TPD52L2: variants seen among roughly 807,000 people sequenced by gnomAD.
TPD52L2 encodes the protein TPD52 like 2.
In TPD52L2, 19 loss-of-function variants were observed where a neutral mutation model predicts 24.7. The ratio of observed to expected loss-of-function variants is 0.77; its 90% CI spans 0.54 to 1.13. The LOEUF (loss-of-function observed/expected upper bound fraction) is 1.13. Among genes scored for constraint, TPD52L2 ranks in the 50% most tolerant of loss-of-function variants. The probability of loss-of-function intolerance (pLI) is 0.00; values close to 1 mark genes in which losing one functional copy is unlikely to be tolerated. For missense variants in TPD52L2, 236 were observed against 250.4 expected (o/e 0.94, Z 0.39); for synonymous variants, 104 against 100.2 (o/e 1.04, Z -0.23).
chr20:63,869,946 A>G (rs1277275350), intron 2 of TPD52L2, among the ~76,000 whole-genome samples: 1 of 152,120 alleles, frequency 6.6e-6, no homozygotes, highest in African/African-American at 2.4e-5. Flanking sequence ...CAGCCTGGGC[A>G]ACACAGTGAG....
Position 63,865,352 on chromosome 20 carries a change from G to C in TPD52L2, c.-14G>C, listed in dbSNP as rs367912450. 314 of 1,526,504 alleles carry C rather than the reference G, an allele frequency of 2.1e-4. No individual in the cohort carries two copies. In the African/African-American group the frequency reaches 3.8e-3, roughly 18 times the overall value. The allele number at this position is 1,526,504 out of a possible 1,614,324, so 94.6% of individuals were successfully genotyped here. Reference sequence around the variant, plus strand: ...CCATAGCGCCCGCGACAGCGGTCCGGACGCCGCCCGAACATGGACTCCGCC... The same window carrying C: ...CCATAGCGCCCGCGACAGCGGTCCGCACGCCGCCCGAACATGGACTCCGCC... On this transcript the variant is annotated 5_prime_UTR_variant, in exon 1 of 7. Transcript: ENST00000346249.
At chr20:63,889,313 TTAGTTATG>T in intron 6 of TPD52L2, 75 bp downstream of exon 6, 1 of 1,303,212 alleles carries the variant, frequency 7.7e-7, no homozygotes, top group South Asian at 1.2e-5. Context: ...TATTAGTCAT[TTAGTTATG>T]GTAGACTCAC....
chr20:63,879,538 G>C (rs139129018), intron 4 of TPD52L2, among the ~76,000 whole-genome samples: 175 of 152,306 alleles, frequency 1.1e-3, no homozygotes, highest in South Asian at 5.4e-3. Flanking sequence ...GGCACAGGCG[G>C]TTGTTTTCTC....
At chr20:63,870,872 C>T (rs2052438262) in intron 2 of TPD52L2, among the ~76,000 whole-genome samples, 1 of 151,628 alleles carries the variant, frequency 6.6e-6, no homozygotes. Flanking sequence ...CGCGTGCCTC[C>T]CTGCCCATCT....
In TPD52L2 at chr20:63,891,065, T is replaced by TA. The variant is rs1253605935; in HGVS notation, c.*1121dup. ...CGTGGGCATCAGCCAGGATTGCCGT[T>TA]ACAGTCTTTTTCTCAGGAGCTACAA... is the stretch of plus-strand genomic sequence containing the variant. On this transcript the variant is annotated 3_prime_UTR_variant, in exon 7 of 7. Transcript: ENST00000346249. The surrounding 1 kb of genome is among the most constrained non-coding windows in gnomAD (Gnocchi z 4.7). The TA allele has an allele frequency of 6.5e-6, 1 of 152,708 alleles. No homozygotes were observed. Among genetic ancestry groups the TA allele is most frequent in the Non-Finnish European group, 1.5e-5 (1 of 68,078 alleles). The allele number at this position is 152,708 out of a possible 1,614,324, so 9.5% of individuals were successfully genotyped here.
At chr20:63,867,972 G>A (rs1037460777) in intron 1 of TPD52L2, among the ~76,000 whole-genome samples, 9 of 148,550 alleles carry the variant, frequency 6.1e-5, no homozygotes, top group East Asian at 2.0e-4. Flanking sequence ...ATTTTTTTTT[G>A]GCCGCGCGTG....
intron 5 of TPD52L2, among the ~76,000 whole-genome samples, chr20:63,886,728 T>G (rs557108631): frequency 4.6e-4 from 69 of 150,956 alleles, no homozygotes; most frequent in African/African-American, 1.7e-3. Flanking sequence ...CACTGCAACC[T>G]CCAGCTCCCT....
At chr20:63,884,945 C>G (rs1188034666) in intron 5 of TPD52L2, among the ~76,000 whole-genome samples, 1 of 152,236 alleles carries the variant, frequency 6.6e-6, no homozygotes, top group Non-Finnish European at 1.5e-5. Context: ...GGTGGGAACT[C>G]TGACGTCTGG....
Position 63,865,338 on chromosome 20 carries a change from G to C in TPD52L2, c.-28G>C, listed in dbSNP as rs1261521727. On this transcript the variant is annotated 5_prime_UTR_variant, in exon 1 of 7. Coordinates refer to ENST00000346249, the MANE Select transcript of TPD52L2 (RefSeq NM_003288.4). ...CGCCCGCTCGGCTCCCATAGCGCCCGCGACAGCGGTCCGGACGCCGCCCGA... is the reference window on the plus strand; with the variant it reads ...CGCCCGCTCGGCTCCCATAGCGCCCCCGACAGCGGTCCGGACGCCGCCCGA... 2.6e-6 allele frequency: 4 copies of C among 1,521,052 alleles called. No homozygotes were observed. The South Asian group carries it at 3.7e-5, about 14-fold the overall frequency. 94.2% of individuals were successfully genotyped at this position (1,521,052 alleles called of 1,614,324 possible). A position where few individuals can be genotyped will look rare whatever the true frequency, so the allele number is the denominator to read the frequency against.
At position 63,889,982 on chromosome 20, in the gene TPD52L2, A is replaced by G. The variant is rs41278202; in HGVS notation, c.*37A>G. The G allele has an allele frequency of 3.0e-3, 4,812 of 1,611,224 alleles. 10 individuals are homozygous for G. Among genetic ancestry groups the G allele is most frequent in the Admixed American group, 3.8e-3 (224 of 59,732 alleles). On this transcript the variant is annotated 3_prime_UTR_variant, in exon 7 of 7. Transcript: ENST00000346249. ...CTTCACCCGCTGCAGAGCACACGCA[A>G]CCCAGCCTCAGCATCACAGCCGCAG...
At chr20:63,871,389 G>A (rs1490329231) in intron 2 of TPD52L2, among the ~76,000 whole-genome samples, 4 of 151,146 alleles carry the variant, frequency 2.6e-5, no homozygotes, top group South Asian at 2.1e-4. Flanking sequence ...TCACTCTGTC[G>A]CCCAGGCTGG....
chr20:63,886,053 G>A (rs557698258), intron 5 of TPD52L2: 22 of 1,613,954 alleles, frequency 1.4e-5, no homozygotes, highest in Non-Finnish European at 1.9e-5. Context: ...GTAAGGCTGA[G>A]CCTGGACACA....
intron 2 of TPD52L2, among the ~76,000 whole-genome samples, chr20:63,871,944 AT>A (rs1030038179): frequency 6.6e-6 from 1 of 151,952 alleles, no homozygotes; most frequent in Non-Finnish European, 1.5e-5. Flanking sequence ...AAGAAAGAGA[AT>A]TTTTAAAGAG....
intron 5 of TPD52L2, among the ~76,000 whole-genome samples, chr20:63,885,842 T>A (rs1456400138): frequency 6.6e-6 from 1 of 152,216 alleles, no homozygotes; most frequent in Non-Finnish European, 1.5e-5. Context: ...ACAGTGCTGC[T>A]GTCCCCGGTG....
At position 63,889,958 on chromosome 20, in the gene TPD52L2, T is replaced by C. The variant is rs1438275353; in HGVS notation, c.*13T>C. On this transcript the variant is annotated 3_prime_UTR_variant, in exon 7 of 7. Coordinates refer to ENST00000346249, the MANE Select transcript of TPD52L2 (RefSeq NM_003288.4). ...CGCACCTTTCTAAGCCTGTGGTTGC[T>C]TCACCCGCTGCAGAGCACACGCAAC... The C allele has an allele frequency of 6.2e-7, 1 of 1,613,884 alleles. No individual in the cohort carries two copies. Among genetic ancestry groups the C allele is most frequent in the African/African-American group, 1.3e-5 (1 of 75,052 alleles).
At chr20:63,867,382 G>A (rs961863249) in intron 1 of TPD52L2, among the ~76,000 whole-genome samples, 1 of 152,084 alleles carries the variant, frequency 6.6e-6, no homozygotes. Flanking sequence ...CCTAACCAAC[G>A]TGCCAAAACC....
In TPD52L2 at chr20:63,877,651, CT is replaced by C. The variant is rs1484720173; in HGVS notation, c.374+1777del. The stretch of plus-strand genomic sequence containing the variant: ...CTTCAGTGCTGTTTTGTAAAACCAA[CT>C]GACATAAAGCTGCCGGGATCCTATT... On this transcript the variant is annotated intron_variant, in intron 4 of 6. Transcript: ENST00000346249. The surrounding 1 kb of genome is among the most constrained non-coding windows in gnomAD (Gnocchi z 4.1). 6.6e-6 allele frequency among the ~76,000 whole-genome samples: 1 copy of C among 152,264 alleles called. No homozygotes were observed. Among genetic ancestry groups the C allele is most frequent in the African/African-American group, 2.4e-5 (1 of 41,468 alleles).
chr20:63,873,660 C>T lies in TPD52L2; in HGVS notation c.166-8C>T, dbSNP rs1212801293. 1.9e-6 allele frequency: 3 copies of T among 1,611,308 alleles called. No individual in the cohort carries two copies. The East Asian group carries it at 6.7e-5, about 36-fold the overall frequency. ...GATGGCTCATCATGTCAACTGCATG[C>T]TTTGCAGGTGGAAGAGGAAATTGTC... On this transcript the variant is annotated splice_polypyrimidine_tract_variant and splice_region_variant and intron_variant, in intron 2 of 6. Transcript: ENST00000346249.
chr20:63,890,130 C>A lies in TPD52L2; in HGVS notation c.*185C>A. 1 of 1,343,906 alleles carries A rather than the reference C, an allele frequency of 7.4e-7. No individual in the cohort carries two copies. Among genetic ancestry groups the A allele is most frequent in the Non-Finnish European group, 1.0e-6 (1 of 1,000,570 alleles). The allele number at this position is 1,343,906 out of a possible 1,614,324, so 83.2% of individuals were successfully genotyped here. A position where few individuals can be genotyped will look rare whatever the true frequency, so the allele number is the denominator to read the frequency against. On this transcript the variant is annotated 3_prime_UTR_variant, in exon 7 of 7. Transcript: ENST00000346249. ...TGAATTTGAAGAACACAGGCTTGTACACAGATGTTTTACACTCACGTTTGT... is the reference window on the plus strand; with the variant it reads ...TGAATTTGAAGAACACAGGCTTGTAAACAGATGTTTTACACTCACGTTTGT...
Sources: allele counts gnomAD v4.1 joint callset (sites outside exome capture counted in the v4.1 genomes callset), GRCh38; gene constraint gnomAD v4.1.1; non-coding constraint Gnocchi (gnomAD v3.1); transcripts MANE v1.5; gene names NCBI Gene and HGNC (gene_info 2026-07-23, HGNC 2026-07-21).